Variants in CPXM2 observed in about 807,000 individuals in gnomAD.
CPXM2 encodes the protein carboxypeptidase X, M14 family member 2.
A neutral mutation model predicts 86.1 loss-of-function variants in CPXM2; 66 were observed. The observed-to-expected ratio is 0.77, with a 90% confidence interval of 0.63 to 0.94. The LOEUF (loss-of-function observed/expected upper bound fraction) is 0.94. CPXM2 is among the 40% of genes least tolerant of loss of function. The pLI is 0.00. For synonymous variants in CPXM2, 388 were observed against 400.2 expected (o/e 0.97, Z 0.36); for missense variants, 948 against 1,026.3 (o/e 0.92, Z 1.04).
chr10:123,758,425 A>T (rs748174064), intron 11 of CPXM2, among the ~76,000 whole-genome samples: 29 of 152,086 alleles, frequency 1.9e-4, no homozygotes, highest in Non-Finnish European at 3.8e-4. Context: ...CTCTGTCTTC[A>T]TACGGGCTTC....
At chr10:123,935,981 CACTACCACCACCATCACCAGCATCCTT>C (rs1945714410) in intron 2 of CPXM2, among the ~76,000 whole-genome samples, 8 of 149,976 alleles carry the variant, frequency 5.3e-5, no homozygotes, top group Admixed American at 2.0e-4. Context: ...TCACCATCAT[CACTACCACCACCATCACCAGCATCCTT>C]ACCATCATCA....
At chr10:123,818,845 A>G (rs1016636187) in intron 4 of CPXM2, among the ~76,000 whole-genome samples, 10 of 152,146 alleles carry the variant, frequency 6.6e-5, no homozygotes, top group African/African-American at 1.9e-4. Context: ...TCAGCCTCCA[A>G]TATATGGTAC....
In CPXM2 at chr10:123,769,951, T is replaced by C. The variant is rs76681584; in HGVS notation, c.1102+965A>G. On this transcript the variant is annotated intron_variant, in intron 8 of 13. Transcript: ENST00000241305. ...GCTGCTGCTTTTGAGGAAATGTGATTTTACCAGCAGATAAAGTTTTTACCA... is the reference window on the plus strand; with the variant it reads ...GCTGCTGCTTTTGAGGAAATGTGATCTTACCAGCAGATAAAGTTTTTACCA... 2.3e-3 allele frequency among the ~76,000 whole-genome samples: 344 copies of C among 152,288 alleles called. 1 individual carries two copies. The highest frequency in any genetic ancestry group is 8.1e-3 in the African/African-American group (336 of 41,564).
chr10:123,821,098 A>G (rs1023793219), intron 4 of CPXM2, among the ~76,000 whole-genome samples: 4 of 152,156 alleles, frequency 2.6e-5, no homozygotes, highest in South Asian at 2.1e-4. Flanking sequence ...TTGTCCTGCC[A>G]CCTGGGTCCC....
intron 4 of CPXM2, among the ~76,000 whole-genome samples, chr10:123,803,821 C>G (rs1847518051): frequency 6.6e-6 from 1 of 152,038 alleles, no homozygotes; most frequent in Non-Finnish European, 1.5e-5. Flanking sequence ...GCCACCACGC[C>G]CAGCTAATTT....
intron 13 of CPXM2, among the ~76,000 whole-genome samples, chr10:123,753,644 T>C (rs1338240574): frequency 6.6e-6 from 1 of 152,214 alleles, no homozygotes; most frequent in Non-Finnish European, 1.5e-5. Context: ...CAGCTCCTTG[T>C]TCCTGCTGTT....
In CPXM2 at chr10:123,810,153, C is replaced by A. The variant is rs1386050564; in HGVS notation, c.654-10954G>T. ...AAGCATTATTAGAGATAAAGACAGT[C>A]ATTACATTATCATAAAAGATTCAGT... On this transcript the variant is annotated intron_variant, in intron 4 of 13. Transcript: ENST00000241305. 2.6e-5 allele frequency among the ~76,000 whole-genome samples: 4 copies of A among 151,766 alleles called. No homozygotes were observed. The East Asian group carries it at 7.7e-4, about 29-fold the overall frequency.
chr10:123,768,742 G>C lies in CPXM2; in HGVS notation c.1103-20C>G. ...GCTCACCTTTACTCAAAGACAGAGA[G>C]AAGCACAGGTTCACGTTGAAACACT... is the stretch of plus-strand genomic sequence containing the variant. On this transcript the variant is annotated intron_variant, in intron 8 of 13. Transcript: ENST00000241305. The C allele has an allele frequency of 6.2e-7, 1 of 1,602,588 alleles. No individual in the cohort carries two copies. The highest frequency in any genetic ancestry group is 8.5e-7 in the Non-Finnish European group (1 of 1,178,200).
intron 3 of CPXM2, among the ~76,000 whole-genome samples, chr10:123,853,583 T>C (rs1038464928): frequency 5.9e-5 from 9 of 152,182 alleles, no homozygotes; most frequent in African/African-American, 1.7e-4. Flanking sequence ...TGTTTTTGTG[T>C]TGTTGTTATA....
At chr10:123,939,555 C>T (rs1439777135) in intron 1 of CPXM2, 5 of 152,238 alleles carry the variant, frequency 3.3e-5, no homozygotes, top group Non-Finnish European at 7.3e-5. Flanking sequence ...GAGAGAAAGG[C>T]ACACGCCCTA....
intron 3 of CPXM2, among the ~76,000 whole-genome samples, chr10:123,845,477 A>C (rs974924990): frequency 6.6e-6 from 1 of 152,150 alleles, no homozygotes; most frequent in Non-Finnish European, 1.5e-5. Context: ...GGAAATTAAA[A>C]TGTGAAAGTT....
intron 1 of CPXM2, among the ~76,000 whole-genome samples, chr10:123,883,806 C>A (rs1280547842): frequency 6.6e-6 from 1 of 152,116 alleles, no homozygotes; most frequent in Non-Finnish European, 1.5e-5. Flanking sequence ...CACAGGCCCC[C>A]CCTTCATAGC....
At chr10:123,912,307 G>GT (rs1440593598) in intron 2 of CPXM2, among the ~76,000 whole-genome samples, 8 of 128,958 alleles carry the variant, frequency 6.2e-5, no homozygotes, top group Non-Finnish European at 1.2e-4. Flanking sequence ...CAGATGGTGG[G>GT]CGGGGGGGGG....
At chr10:123,941,128 G>A (rs980326354), upstream of CPXM2, among the ~76,000 whole-genome samples, 6 of 152,100 alleles carry the variant, frequency 3.9e-5, no homozygotes, top group East Asian at 1.9e-4. Context: ...CCGAGATCGC[G>A]CCACTGCACT....
chr10:123,873,136 T>C (rs775725933), intron 2 of CPXM2, among the ~76,000 whole-genome samples: 28 of 152,282 alleles, frequency 1.8e-4, no homozygotes, highest in Non-Finnish European at 3.8e-4. Context: ...TTATTTCATA[T>C]ACATTACGAT....
chr10:123,910,027 G>A (rs950565101), intron 2 of CPXM2, among the ~76,000 whole-genome samples: 5 of 152,270 alleles, frequency 3.3e-5, no homozygotes, highest in Middle Eastern at 3.4e-3. Flanking sequence ...GCCAGGCAGC[G>A]CCCGAACCCA....
intron 6 of CPXM2, among the ~76,000 whole-genome samples, chr10:123,792,316 C>G (rs1194136984): frequency 6.6e-6 from 1 of 152,180 alleles, no homozygotes; most frequent in Non-Finnish European, 1.5e-5. Context: ...TTAGTCTTCA[C>G]AGAGTCCCCG....
At chr10:123,869,393 T>C (rs930895786) in intron 2 of CPXM2, among the ~76,000 whole-genome samples, 11 of 152,222 alleles carry the variant, frequency 7.2e-5, no homozygotes, top group African/African-American at 2.2e-4. Context: ...CAAGTTTCTG[T>C]TGCTTCTAGG....
upstream of CPXM2, among the ~76,000 whole-genome samples, chr10:123,892,573 GCAT>G (rs1255314651): frequency 6.6e-6 from 1 of 152,206 alleles, no homozygotes; most frequent in Non-Finnish European, 1.5e-5. Flanking sequence ...ACCAGGGACT[GCAT>G]CGTTTCCCTT....
Sources: gnomAD v4.1 joint callset for allele counts (sites outside exome capture counted in the v4.1 genomes callset) on GRCh38, gnomAD v4.1.1 for gene constraint, MANE v1.5 for transcripts, NCBI Gene and HGNC (gene_info 2026-07-23, HGNC 2026-07-21) for gene names.